CLK3: variants seen among roughly 807,000 people sequenced by gnomAD.
CLK3 encodes the protein dual specificity protein kinase CLK3.
CLK3 carries 24 observed loss-of-function variants against 65.2 expected under a neutral mutation model. The observed-to-expected ratio is 0.37, with a 90% CI of 0.27 to 0.52. CLK3 has a LOEUF of 0.52. Ranked by LOEUF, CLK3 falls within the 20% of genes least tolerant of loss-of-function variation. CLK3 has a pLI of 0.92. For missense variants in CLK3, 506 were observed against 660.0 expected (o/e 0.77, Z 2.56); for synonymous variants, 252 against 240.8 (o/e 1.05, Z -0.43).
rs2062117440 is a variant in CLK3 at position 74,623,222 on chromosome 15, AG to A, written c.533+664del. ...CTAGAACATTTGCTTCCTCTCCTAT[AG>A]GTCTGGGTTGGGGAGGCCACCTCCA... On this transcript the variant is annotated intron_variant, in intron 5 of 12. Coordinates refer to ENST00000395066, the MANE Select transcript of CLK3 (RefSeq NM_001130028.2). Among the ~76,000 whole-genome samples the A allele has an allele frequency of 2.6e-5, 4 of 152,134 alleles. No individual in the cohort carries two copies. The South Asian group carries it at 8.3e-4, about 31-fold the overall frequency.
Position 74,620,213 on chromosome 15 carries a change from C to T in CLK3, c.357C>T (p.Ser119=), listed in dbSNP as rs146248770. ...ACAAACGCCGCACCAGGTCTTGTAG[C>T]AGCGCCTCCTCGGTGAGTGGTAGCC... ...HCHKRRTRSC[S]SASSRSQQSS... Residue 119 remains serine, a synonymous_variant, in exon 3 of 13, where the codon AGC becomes AGT. Transcript: ENST00000395066. 2.7e-4 allele frequency: 432 copies of T among 1,613,930 alleles called. No homozygotes were observed. Among genetic ancestry groups the T allele is most frequent in the Non-Finnish European group, 3.3e-4 (388 of 1,180,038 alleles).
intron 11 of CLK3, 52 bp downstream of exon 11, chr15:74,628,735 T>C (rs1046266233): frequency 4.8e-6 from 7 of 1,456,158 alleles, no homozygotes; most frequent in Non-Finnish European, 4.7e-6. Flanking sequence ...TTTCTCTTCT[T>C]GGCTGTGGGT....
upstream of CLK3, among the ~76,000 whole-genome samples, chr15:74,612,030 C>T (rs2061995865): frequency 6.6e-6 from 1 of 152,342 alleles, no homozygotes; most frequent in East Asian, 1.9e-4. Context: ...GCTGTGGGTG[C>T]TGCCAGGGGT....
At chr15:74,618,459 A>G (rs1349193070) in intron 1 of CLK3, among the ~76,000 whole-genome samples, 1 of 152,186 alleles carries the variant, frequency 6.6e-6, no homozygotes, top group African/African-American at 2.4e-5. Flanking sequence ...GTACTGTTGG[A>G]TAAAGGCAAG....
Position 74,630,152 on chromosome 15 carries a change from T to C in CLK3, c.*269T>C, listed in dbSNP as rs1379940708. The stretch of plus-strand genomic sequence containing the variant: ...ACCAGTGTGTCCATCTCCAGGCTCC[T>C]TGCCTTCCCCTTACCTGACCTTATT... On this transcript the variant is annotated 3_prime_UTR_variant, in exon 13 of 13. Transcript: ENST00000395066. 4 of 404,658 alleles carry C rather than the reference T, an allele frequency of 9.9e-6. No individual in the cohort carries two copies. Among genetic ancestry groups the C allele is most frequent in the South Asian group, 5.0e-5 (1 of 19,948 alleles). The allele number at this position is 404,658 out of a possible 1,614,324, so 25.1% of individuals were successfully genotyped here. A position where few individuals can be genotyped will look rare whatever the true frequency, so the allele number is the denominator to read the frequency against.
upstream of CLK3, chr15:74,615,024 A>C: frequency 5.7e-6 from 1 of 174,986 alleles, no homozygotes; most frequent in Non-Finnish European, 1.2e-5. Context: ...GGGGCCTCGT[A>C]ATCCTGTCCG....
chr15:74,627,192 G>A lies in CLK3; in HGVS notation c.818-160G>A. On this transcript the variant is annotated intron_variant, in intron 7 of 12. Transcript: ENST00000395066. The surrounding 1 kb of genome is among the most constrained non-coding windows in gnomAD (Gnocchi z 4.3). The stretch of plus-strand genomic sequence containing the variant: ...CCTCAAGTACAGAGAACCCTTGAGA[G>A]GGAGGCCAGCACAGAGGCAGGCTGT... 1 of 731,780 alleles carries A rather than the reference G, an allele frequency of 1.4e-6. No homozygotes were observed. Among genetic ancestry groups the A allele is most frequent in the South Asian group, 1.5e-5 (1 of 68,286 alleles). The allele number at this position is 731,780 out of a possible 1,614,324, so 45.3% of individuals were successfully genotyped here. A position where few individuals can be genotyped will look rare whatever the true frequency, so the allele number is the denominator to read the frequency against.
intron 10 of CLK3, 80 bp downstream of exon 10, chr15:74,628,132 A>C: frequency 1.1e-6 from 1 of 936,914 alleles, no homozygotes; most frequent in Non-Finnish European, 1.8e-6. Context: ...GGGAAGCCCC[A>C]CATGGATGAG....
intron 7 of CLK3, chr15:74,626,894 C>T (rs919660020): frequency 4.8e-5 from 21 of 435,234 alleles, no homozygotes; most frequent in African/African-American, 2.6e-4. Flanking sequence ...TGCACTCAGT[C>T]GCACAGGACC....
upstream of CLK3, among the ~76,000 whole-genome samples, chr15:74,614,552 T>A (rs1826154582): frequency 2.0e-5 from 3 of 152,218 alleles, no homozygotes; most frequent in South Asian, 6.2e-4. Context: ...ATAGCCATGG[T>A]GGAGCTGGCA....
At position 74,624,842 on chromosome 15, in the gene CLK3, G is replaced by A; in HGVS notation, c.534-60G>A. 2 of 1,262,324 alleles carry A rather than the reference G, an allele frequency of 1.6e-6. No homozygotes were observed. Among genetic ancestry groups the A allele is most frequent in the Non-Finnish European group, 2.3e-6 (2 of 876,522 alleles). The allele number at this position is 1,262,324 out of a possible 1,614,324, so 78.2% of individuals were successfully genotyped here. A position where few individuals can be genotyped will look rare whatever the true frequency, so the allele number is the denominator to read the frequency against. Reference sequence around the variant, plus strand: ...TTGGGAGTTGCTGGGTTGGGGTGGAGGGTTGGGGAAGGACTGGGCAGCTGC... The same window carrying A: ...TTGGGAGTTGCTGGGTTGGGGTGGAAGGTTGGGGAAGGACTGGGCAGCTGC... On this transcript the variant is annotated intron_variant, in intron 5 of 12. Coordinates refer to ENST00000395066, the MANE Select transcript of CLK3 (RefSeq NM_001130028.2). This position sits in a 1 kb window ranked among gnomAD's most constrained non-coding sequence, Gnocchi z 4.2.
At position 74,621,752 on chromosome 15, in the gene CLK3, G is replaced by A. The variant is rs532920251; in HGVS notation, c.370-368G>A. ...GTCTGGGAGGGAGAGACTCGGAGGA[G>A]GAGGAGGAGGGAGTCGGGGCGATGG... On this transcript the variant is annotated intron_variant, in intron 3 of 12. Transcript: ENST00000395066. This position sits in a 1 kb window ranked among gnomAD's most constrained non-coding sequence, Gnocchi z 4.8. 2 of 356,134 alleles carry A rather than the reference G, an allele frequency of 5.6e-6. No homozygotes were observed. Among genetic ancestry groups the A allele is most frequent in the Admixed American group, 7.5e-5 (2 of 26,616 alleles). 22.1% of individuals were successfully genotyped at this position (356,134 alleles called of 1,614,324 possible). A position where few individuals can be genotyped will look rare whatever the true frequency, so the allele number is the denominator to read the frequency against.
intron 1 of CLK3, among the ~76,000 whole-genome samples, chr15:74,609,413 ATC>A (rs1041915510): frequency 5.9e-5 from 9 of 152,212 alleles, no homozygotes; most frequent in Admixed American, 3.9e-4. Context: ...CCCTGCTAGA[ATC>A]TCTCTCTCCT....
At chr15:74,625,709 C>T in intron 6 of CLK3, 93 bp from the exon 7 acceptor site, 3 of 1,382,590 alleles carry the variant, frequency 2.2e-6, no homozygotes, top group African/African-American at 1.4e-5. Flanking sequence ...ACCCGGTGGC[C>T]TAGGAGAGAG....
In CLK3 at chr15:74,627,877, G is replaced by C; in HGVS notation, c.1043-93G>C. ...GGGCCTCGTACTGGGATTTGGGCAA[G>C]AGTCCTGCCAGCCGGTGTGGTGGCT... On this transcript the variant is annotated intron_variant, in intron 9 of 12. Transcript: ENST00000395066. The surrounding 1 kb of genome is among the most constrained non-coding windows in gnomAD (Gnocchi z 4.3). 1 of 1,236,258 alleles carries C rather than the reference G, an allele frequency of 8.1e-7. No individual in the cohort carries two copies. Among genetic ancestry groups the C allele is most frequent in the Non-Finnish European group, 1.2e-6 (1 of 843,690 alleles). The allele number at this position is 1,236,258 out of a possible 1,614,324, so 76.6% of individuals were successfully genotyped here.
Position 74,625,841 on chromosome 15 carries a change from T to G in CLK3, c.690T>G (p.Gly230=). The G allele has an allele frequency of 3.7e-6, 6 of 1,614,098 alleles. No homozygotes were observed. The highest frequency in any genetic ancestry group is 5.1e-6 in the Non-Finnish European group (6 of 1,180,010). ...TGTCTGACTGGTTCAACTTCCACGGTCACATGTGCATCGCCTTTGAGCTCC... is the reference window on the plus strand; with the variant it reads ...TGTCTGACTGGTTCAACTTCCACGGGCACATGTGCATCGCCTTTGAGCTCC... ...VLMSDWFNFH[G]HMCIAFELLG... The change falls in exon 7 of 13, where the codon GGT becomes GGG. Residue 230 remains glycine (G), a synonymous_variant. Transcript: ENST00000395066.
Position 74,622,144 on chromosome 15 carries a change from A to G in CLK3, c.394A>G (p.Ser132Gly). The change falls in exon 4 of 13, where the codon AGC (serine) becomes GGC (glycine). Residue 132 changes from serine (S) to glycine (G), a missense_variant. Coordinates refer to ENST00000395066, the MANE Select transcript of CLK3 (RefSeq NM_001130028.2). This position sits in a 1 kb window ranked among gnomAD's most constrained non-coding sequence, Gnocchi z 4.6. ...SSRSQQSSKR[S>G]SRSVEDDKEG... Reference sequence around the variant, plus strand: ...GAGAAGCCAACAGAGCAGTAAGCGCAGCAGCCGGAGTGTGGAAGATGACAA... The same window carrying G: ...GAGAAGCCAACAGAGCAGTAAGCGCGGCAGCCGGAGTGTGGAAGATGACAA... The G allele has an allele frequency of 3.7e-6, 6 of 1,614,184 alleles. No individual in the cohort carries two copies. Among genetic ancestry groups the G allele is most frequent in the Non-Finnish European group, 5.1e-6 (6 of 1,180,020 alleles).
Position 74,622,087 on chromosome 15 carries a change from G to T in CLK3, c.370-33G>T. On this transcript the variant is annotated intron_variant, in intron 3 of 12. Transcript: ENST00000395066. This position sits in a 1 kb window ranked among gnomAD's most constrained non-coding sequence, Gnocchi z 4.6. ...ATCGGAACCGCCTACCATGCGATTG[G>T]TCGGATGGCGTTTCGGGGGGCGGTG... 1 of 1,600,558 alleles carries T rather than the reference G, an allele frequency of 6.2e-7. No homozygotes were observed. Among genetic ancestry groups the T allele is most frequent in the African/African-American group, 1.3e-5 (1 of 74,774 alleles).
At chr15:74,615,780 T>A (rs754408704), upstream of CLK3, 4 of 1,242,990 alleles carry the variant, frequency 3.2e-6, no homozygotes, top group Non-Finnish European at 4.0e-6. Context: ...GAGCCGAGGC[T>A]GGCGACGGCT....
Sources: allele counts gnomAD v4.1 joint callset (sites outside exome capture counted in the v4.1 genomes callset), GRCh38; gene constraint gnomAD v4.1.1; non-coding constraint Gnocchi (gnomAD v3.1); transcripts MANE v1.5; gene names NCBI Gene and HGNC (gene_info 2026-07-23, HGNC 2026-07-21).